Variants in NPIPB2 observed in about 807,000 individuals in gnomAD.
The protein encoded by NPIPB2 is nuclear pore complex-interacting protein family member B2.
NPIPB2 carries 27 observed loss-of-function variants against 30.8 expected under a neutral mutation model. The ratio of observed to expected loss-of-function variants is 0.88; its 90% CI spans 0.65 to 1.21. NPIPB2 has a LOEUF of 1.21. NPIPB2 is among the 50% of genes most tolerant of loss of function. The pLI, the probability that NPIPB2 is intolerant of heterozygous loss-of-function variation, is 0.00. For missense variants in NPIPB2, 440 were observed against 446.2 expected (o/e 0.99, Z 0.13); for synonymous variants, 147 against 162.0 (o/e 0.91, Z 0.70).
At chr16:11,969,455 C>T (rs1006219185) in intron 1 of NPIPB2, among the ~76,000 whole-genome samples, 1 of 152,056 alleles carries the variant, frequency 6.6e-6, no homozygotes, top group Non-Finnish European at 1.5e-5. Flanking sequence ...CAGGGTTTCA[C>T]CATCTTCGCC....
chr16:11,934,857 C>A (rs1410309793), intron 2 of NPIPB2, among the ~76,000 whole-genome samples: 1,380 of 97,126 alleles, frequency 0.014, no homozygotes, highest in African/African-American at 0.022. Context: ...GACTCTGTCT[C>A]AAAAAAAAAA....
chr16:11,956,261 T>C (rs1032294725), intron 1 of NPIPB2: 1 of 152,214 alleles, frequency 6.6e-6, no homozygotes, highest in African/African-American at 2.4e-5. Context: ...AACCAAGCCT[T>C]GAACCTGGCT....
At chr16:11,970,032 T>A (rs924534377) in intron 1 of NPIPB2, among the ~76,000 whole-genome samples, 2 of 151,442 alleles carry the variant, frequency 1.3e-5, no homozygotes, top group South Asian at 4.2e-4. Flanking sequence ...CGGCCTATAC[T>A]AACTCATTTT....
At chr16:11,937,249 A>G (rs529643062) in intron 2 of NPIPB2, among the ~76,000 whole-genome samples, 2 of 152,354 alleles carry the variant, frequency 1.3e-5, no homozygotes, top group Non-Finnish European at 1.5e-5. Context: ...AGAATTTCCT[A>G]TTTAAGTGAC....
intron 1 of NPIPB2, among the ~76,000 whole-genome samples, chr16:11,948,426 G>A (rs2055032709): frequency 6.6e-6 from 1 of 152,102 alleles, no homozygotes; most frequent in Non-Finnish European, 1.5e-5. Flanking sequence ...AAACAAGTCT[G>A]TAGATCCAAG....
intron 1 of NPIPB2, among the ~76,000 whole-genome samples, chr16:11,954,751 C>CA (rs1439949789): frequency 2.6e-5 from 4 of 151,500 alleles, no homozygotes; most frequent in Middle Eastern, 3.4e-3. Context: ...ACTAAAAATA[C>CA]AAAAAAATTA....
At chr16:11,974,134 G>C (rs770219327) in intron 1 of NPIPB2, among the ~76,000 whole-genome samples, 16 of 152,170 alleles carry the variant, frequency 1.1e-4, no homozygotes, top group Admixed American at 6.5e-5. Flanking sequence ...AGGCCAGAGA[G>C]ACTATGATGC....
chr16:11,958,645 G>A (rs766721466), intron 1 of NPIPB2, among the ~76,000 whole-genome samples: 2 of 152,152 alleles, frequency 1.3e-5, no homozygotes, highest in Admixed American at 1.3e-4. Flanking sequence ...GGGGACTGAA[G>A]TGGGATGATC....
At chr16:11,933,599 C>A in exon 4 of NPIPB2, 1 of 1,517,274 alleles carries the variant, frequency 6.6e-7, no homozygotes, top group Non-Finnish European at 8.7e-7. Flanking sequence ...CGGATTTTAG[C>A]TCTACCTTTT....
chr16:11,952,153 A>AT (rs1414148271), intron 1 of NPIPB2, among the ~76,000 whole-genome samples: 1 of 64,528 alleles, frequency 1.5e-5, no homozygotes, highest in African/African-American at 4.3e-5. Context: ...ACTCTGCCTC[A>AT]AAAAAAAAAA....
chr16:11,954,800 C>T (rs990565726), intron 1 of NPIPB2, among the ~76,000 whole-genome samples: 3 of 149,294 alleles, frequency 2.0e-5, no homozygotes, highest in African/African-American at 2.5e-5. Context: ...CCCAGCTACT[C>T]GGGAGGCTGA....
At chr16:11,965,463 T>A (rs1455287209) in intron 1 of NPIPB2, 3 of 1,613,480 alleles carry the variant, frequency 1.9e-6, no homozygotes, top group African/African-American at 1.3e-5. Flanking sequence ...AAGTAAGTAA[T>A]ATTGCTTGAA....
chr16:11,961,254 G>A (rs1337363408), intron 1 of NPIPB2, among the ~76,000 whole-genome samples: 1 of 152,054 alleles, frequency 6.6e-6, no homozygotes, highest in African/African-American at 2.4e-5. Context: ...TCTGGCAGAG[G>A]CTGAGGGAGT....
intron 1 of NPIPB2, chr16:11,967,778 T>C (rs2055207461): frequency 1.2e-6 from 2 of 1,614,064 alleles, no homozygotes; most frequent in South Asian, 1.1e-5. Context: ...CGAAAACGAA[T>C]GACTATTGCA....
At chr16:11,947,278 C>A (rs955917439) in intron 1 of NPIPB2, among the ~76,000 whole-genome samples, 22 of 144,300 alleles carry the variant, frequency 1.5e-4, no homozygotes, top group Admixed American at 4.2e-4. Flanking sequence ...TGTGTGTGTA[C>A]ATAGGTACAT....
downstream of NPIPB2, chr16:11,927,282 A>C (rs559689759): frequency 1.4e-6 from 1 of 704,364 alleles, no homozygotes; most frequent in African/African-American, 1.8e-5. Flanking sequence ...TATATTATTT[A>C]TTTATTCTTT....
At chr16:11,946,759 T>C (rs2055014670), upstream of NPIPB2, among the ~76,000 whole-genome samples, 1 of 152,056 alleles carries the variant, frequency 6.6e-6, no homozygotes, top group Non-Finnish European at 1.5e-5. Flanking sequence ...TAAAGATAAA[T>C]TGATCCAGCA....
chr16:11,970,708 G>C (rs372939090), intron 1 of NPIPB2, among the ~76,000 whole-genome samples: 2 of 149,844 alleles, frequency 1.3e-5, no homozygotes, highest in South Asian at 2.1e-4. Context: ...GCTAATTTTT[G>C]TATTTTTAAT....
intron 1 of NPIPB2, chr16:11,967,988 G>C: frequency 2.2e-6 from 2 of 926,034 alleles, no homozygotes; most frequent in Non-Finnish European, 3.1e-6. Flanking sequence ...CTTTATGTTA[G>C]ATATATTTCT....
Sources: allele counts gnomAD v4.1 joint callset (sites outside exome capture counted in the v4.1 genomes callset), GRCh38; gene constraint gnomAD v4.1.1; transcripts MANE v1.5; gene names NCBI Gene and HGNC (gene_info 2026-07-23, HGNC 2026-07-21).